Variants in TUSC3 observed in about 807,000 individuals in gnomAD.
TUSC3 encodes the protein tumor suppressor candidate 3.
In TUSC3, 45 loss-of-function variants were observed where a neutral mutation model predicts 44.8. The observed-to-expected ratio is 1.00, with a 90% CI of 0.79 to 1.29. The LOEUF (loss-of-function observed/expected upper bound fraction) is 1.29, where lower values mean the gene tolerates loss of function less well. Ranked by LOEUF, TUSC3 falls within the 50% of genes most tolerant of loss-of-function variation. The pLI, the probability that TUSC3 is intolerant of heterozygous loss-of-function variation, is 0.00. For missense variants in TUSC3, 519 were observed against 437.9 expected (o/e 1.19, Z -1.65); for synonymous variants, 212 against 152.9 (o/e 1.39, Z -2.85).
chr8:15,593,346 A>T (rs561860586), intron 1 of TUSC3, among the ~76,000 whole-genome samples: 2 of 152,118 alleles, frequency 1.3e-5, no homozygotes, highest in Non-Finnish European at 2.9e-5. Flanking sequence ...TCGGCCTCCC[A>T]AAGTGCTGGG....
At chr8:15,801,595 G>A in the TUSC3 span, among the ~76,000 whole-genome samples, 1 of 152,154 alleles carries the variant, frequency 6.6e-6, no homozygotes, top group Non-Finnish European at 1.5e-5. Flanking sequence ...TCTGTGGATG[G>A]CTGGGTAAAT....
intron 1 of TUSC3, among the ~76,000 whole-genome samples, chr8:15,441,124 TG>T: frequency 6.6e-6 from 1 of 152,362 alleles, no homozygotes; most frequent in African/African-American, 2.4e-5. Flanking sequence ...AAGTAAGTGA[TG>T]GCCAGGCACA....
intron 9 of TUSC3, among the ~76,000 whole-genome samples, chr8:15,754,703 G>C (rs1811849759): frequency 6.6e-6 from 1 of 151,978 alleles, no homozygotes; most frequent in African/African-American, 2.4e-5. Flanking sequence ...GCATTTTTGT[G>C]AATTATAAAC....
At chr8:15,634,037 A>C (rs1805948608) in intron 2 of TUSC3, among the ~76,000 whole-genome samples, 1 of 152,166 alleles carries the variant, frequency 6.6e-6, no homozygotes. Context: ...CTGTGATCCG[A>C]GGGCTGTATA....
At chr8:15,449,581 T>G (rs1001686632) in intron 1 of TUSC3, among the ~76,000 whole-genome samples, 1 of 152,094 alleles carries the variant, frequency 6.6e-6, no homozygotes, top group African/African-American at 2.4e-5. Context: ...CTTTAGCCCT[T>G]AGGGGAAAAA....
intron 1 of TUSC3, among the ~76,000 whole-genome samples, chr8:15,431,398 C>T (rs934278402): frequency 2.6e-5 from 4 of 151,536 alleles, no homozygotes; most frequent in Admixed American, 6.6e-5. Context: ...GTCTCACTTC[C>T]GTGTTTAAAT....
chr8:15,680,709 T>G (rs1353317904), intron 6 of TUSC3, among the ~76,000 whole-genome samples: 1 of 152,130 alleles, frequency 6.6e-6, no homozygotes, highest in Non-Finnish European at 1.5e-5. Context: ...CTGTTGAGTA[T>G]GATGTTGCCT....
At chr8:15,778,503 T>C in the TUSC3 span, among the ~76,000 whole-genome samples, 1 of 152,250 alleles carries the variant, frequency 6.6e-6, no homozygotes, top group East Asian at 1.9e-4. Context: ...TCTTTTCTCT[T>C]TTAGCTGCTT....
chr8:15,423,566 C>A (rs1321275926), intron 1 of TUSC3, among the ~76,000 whole-genome samples: 1 of 152,224 alleles, frequency 6.6e-6, no homozygotes, highest in Non-Finnish European at 1.5e-5. Flanking sequence ...TTGTTAGCTG[C>A]CAGTTTGATT....
intron 2 of TUSC3, among the ~76,000 whole-genome samples, chr8:15,511,133 A>C (rs551614566): frequency 2.8e-4 from 42 of 152,314 alleles, no homozygotes; most frequent in Non-Finnish European, 6.0e-4. Context: ...TACCAAACTT[A>C]ATGGTGAAAA....
intron 7 of TUSC3, among the ~76,000 whole-genome samples, chr8:15,738,861 C>G (rs1216410667): frequency 2.1e-5 from 1 of 47,392 alleles, no homozygotes; most frequent in Non-Finnish European, 4.1e-5. Flanking sequence ...GAGAGGGAGT[C>G]TCACTCTGTT....
At chr8:15,712,458 A>G (rs1809896122) in intron 6 of TUSC3, among the ~76,000 whole-genome samples, 1 of 152,028 alleles carries the variant, frequency 6.6e-6, no homozygotes, top group Admixed American at 6.6e-5. Flanking sequence ...GTTTAACTTC[A>G]GTTTCTCCCC....
intron 2 of TUSC3, among the ~76,000 whole-genome samples, chr8:15,509,737 A>G (rs192998788): frequency 1.7e-4 from 26 of 152,340 alleles, no homozygotes; most frequent in Admixed American, 1.7e-3. Context: ...CTAAATGCAG[A>G]TGATTTTGAA....
At chr8:15,475,677 T>G (rs898627984) in intron 1 of TUSC3, among the ~76,000 whole-genome samples, 3 of 152,132 alleles carry the variant, frequency 2.0e-5, no homozygotes, top group Admixed American at 6.6e-5. Context: ...ACATAATCAT[T>G]TTGGTTTTAC....
chr8:15,769,696 TAATC>T (rs1443263646), downstream of TUSC3, among the ~76,000 whole-genome samples: 1 of 152,134 alleles, frequency 6.6e-6, no homozygotes, highest in Non-Finnish European at 1.5e-5. Flanking sequence ...AAAGGGCTAA[TAATC>T]CAGAATCTAC....
At position 15,421,795 on chromosome 8, in the gene TUSC3, A is replaced by G. The variant is rs372443994; in HGVS notation, n.91+4490A>G. On this transcript the variant is annotated intron_variant and non_coding_transcript_variant, in intron 1 of 5. Transcript: ENST00000503191. ...CCCTGGATCATAGACCTAATGTGGCATATATGGTATAGGATGACACGTGCC... is the reference window on the plus strand; with the variant it reads ...CCCTGGATCATAGACCTAATGTGGCGTATATGGTATAGGATGACACGTGCC... 1.6e-4 allele frequency among the ~76,000 whole-genome samples: 24 copies of G among 152,350 alleles called. 2 individuals are homozygous for G. The highest frequency in any genetic ancestry group is 5.3e-4 in the African/African-American group (22 of 41,582).
chr8:15,557,712 T>G (rs1373467568), intron 1 of TUSC3, among the ~76,000 whole-genome samples: 4 of 134,920 alleles, frequency 3.0e-5, no homozygotes, highest in African/African-American at 5.3e-5. Context: ...CTTGAAGAGG[T>G]CCTTCACATC....
chr8:15,469,626 T>G (rs900699379), intron 1 of TUSC3, among the ~76,000 whole-genome samples: 1 of 152,198 alleles, frequency 6.6e-6, no homozygotes, highest in African/African-American at 2.4e-5. Flanking sequence ...ACCATGTGAT[T>G]CAACAGTTAT....
chr8:15,794,434 A>C, the TUSC3 span, among the ~76,000 whole-genome samples: 1 of 152,148 alleles, frequency 6.6e-6, no homozygotes, highest in Non-Finnish European at 1.5e-5. Flanking sequence ...GTCTAACATA[A>C]TTTGAATGCA....
Sources: allele counts gnomAD v4.1 joint callset (sites outside exome capture counted in the v4.1 genomes callset), GRCh38; gene constraint gnomAD v4.1.1; transcripts MANE v1.5; gene names NCBI Gene and HGNC (gene_info 2026-07-23, HGNC 2026-07-21).